FHOD3: variants seen among roughly 807,000 people sequenced by gnomAD.
FHOD3 encodes FH1/FH2 domain-containing protein 3.
Under a neutral mutation model 173.0 loss-of-function variants are expected in FHOD3, and 90 were observed. The ratio of observed to expected loss-of-function variants is 0.52; its 90% confidence interval spans 0.44 to 0.62. FHOD3 has a LOEUF of 0.62. FHOD3 is among the 20% of genes least tolerant of loss of function. The pLI is 0.00. For synonymous variants in FHOD3, 828 were observed against 823.0 expected, an observed-to-expected ratio of 1.01 and a Z score of -0.10; for missense variants, 1,945 against 2,034.7, an observed-to-expected ratio of 0.96 and a Z score of 0.85.
At chr18:36,573,744 G>A (rs1485535839) in intron 5 of FHOD3, among the ~76,000 whole-genome samples, 3 of 152,142 alleles carry the variant, frequency 2.0e-5, no homozygotes, top group African/African-American at 7.2e-5. Flanking sequence ...CATAGCTTTG[G>A]TAAATGACTG....
chr18:36,713,596 A>G (rs1487571339), intron 18 of FHOD3, among the ~76,000 whole-genome samples: 2 of 152,252 alleles, frequency 1.3e-5, no homozygotes, highest in Non-Finnish European at 2.9e-5. Flanking sequence ...CTATAGGATC[A>G]GTAGGGAAAT....
intron 9 of FHOD3, among the ~76,000 whole-genome samples, chr18:36,615,045 T>G (rs1356064330): frequency 6.6e-6 from 1 of 152,056 alleles, no homozygotes; most frequent in Non-Finnish European, 1.5e-5. Context: ...AGATGGGGTT[T>G]CTCCATGTTG....
rs2040554337 is a variant in FHOD3, at chr18:36,718,008, A to G, written c.2710A>G (p.Ser904Gly). ...CCAGCAGGAGGCAGAGGCGGTAGCC[A>G]GCCTTGCTACCAGGATATCCACCCT... ...RTQQEAEAVA[S>G]LATRISTLQA... Residue 904 changes from serine to glycine, a missense_variant, in exon 19 of 29, where the codon AGC (serine) becomes GGC (glycine). By Grantham distance (56) the Ser-to-Gly change is moderately conservative (BLOSUM62 0). Coordinates refer to ENST00000590592, the MANE Select transcript of FHOD3 (RefSeq NM_001281740.3). 1.2e-6 allele frequency: 2 copies of G among 1,610,512 alleles called. No individual in the cohort carries two copies. The highest frequency in any genetic ancestry group is 2.2e-5 in the East Asian group (1 of 44,874).
At chr18:36,458,966 C>T (rs976984424) in intron 3 of FHOD3, among the ~76,000 whole-genome samples, 1 of 152,092 alleles carries the variant, frequency 6.6e-6, no homozygotes, top group African/African-American at 2.4e-5. Context: ...TTGCCATGAC[C>T]CCTGCTTTGC....
chr18:36,713,484 A>G (rs900847265), intron 18 of FHOD3, among the ~76,000 whole-genome samples: 9 of 152,266 alleles, frequency 5.9e-5, no homozygotes, highest in African/African-American at 2.2e-4. Context: ...AACACTATAA[A>G]TAAATCAAAA....
intron 6 of FHOD3, among the ~76,000 whole-genome samples, chr18:36,584,400 A>G (rs2058957522): frequency 6.6e-6 from 1 of 152,228 alleles, no homozygotes; most frequent in African/African-American, 2.4e-5. Context: ...AATTGTTAAT[A>G]TTATAAAAAC....
intron 14 of FHOD3, among the ~76,000 whole-genome samples, chr18:36,670,325 A>G (rs1016015362): frequency 6.6e-6 from 1 of 152,068 alleles, no homozygotes; most frequent in Non-Finnish European, 1.5e-5. Flanking sequence ...AATGTTTGGT[A>G]CTTTTTACCT....
intron 3 of FHOD3, among the ~76,000 whole-genome samples, chr18:36,403,331 G>A (rs1442292714): frequency 6.6e-6 from 1 of 152,178 alleles, no homozygotes; most frequent in East Asian, 1.9e-4. Flanking sequence ...TGGGGGTGTC[G>A]AATAGAATGA....
At position 36,594,798 on chromosome 18, in the gene FHOD3, G is replaced by A. The variant is rs757878655; in HGVS notation, c.618G>A (p.Val206=). ...YTLIGSKFRL[V]VKTALKLLLV... is the part of the protein sequence containing the mutation. Reference sequence around the variant, plus strand: ...ATCTCTTCTGCCAGTTCCGCCTGGTGGTGAAGACAGCCCTGAAGCTGCTGC... The same window carrying A: ...ATCTCTTCTGCCAGTTCCGCCTGGTAGTGAAGACAGCCCTGAAGCTGCTGC... Residue 206 remains valine, a synonymous_variant, in exon 7 of 29, where the codon GTG becomes GTA. Transcript: ENST00000590592. The A allele has an allele frequency of 1.9e-6, 3 of 1,613,238 alleles. No individual in the cohort carries two copies. Among genetic ancestry groups the A allele is most frequent in the Non-Finnish European group, 2.5e-6 (3 of 1,179,454 alleles).
At chr18:36,654,610 G>A (rs980856035) in intron 13 of FHOD3, among the ~76,000 whole-genome samples, 2 of 152,092 alleles carry the variant, frequency 1.3e-5, no homozygotes, top group African/African-American at 2.4e-5. Context: ...TCAAATAAGC[G>A]AGCTCATACG....
intron 17 of FHOD3, among the ~76,000 whole-genome samples, chr18:36,701,024 C>G (rs1344354152): frequency 6.6e-6 from 1 of 152,222 alleles, no homozygotes; most frequent in Non-Finnish European, 1.5e-5. Flanking sequence ...AGTTGCTCCT[C>G]CCAAGCATCT....
chr18:36,407,639 G>C (rs1174355225), intron 3 of FHOD3, among the ~76,000 whole-genome samples: 1 of 152,220 alleles, frequency 6.6e-6, no homozygotes, highest in Admixed American at 6.5e-5. Flanking sequence ...TGACTCCGAA[G>C]ACACATTTTC....
At chr18:36,372,135 C>T (rs1041671515) in intron 2 of FHOD3, among the ~76,000 whole-genome samples, 1 of 152,104 alleles carries the variant, frequency 6.6e-6, no homozygotes, top group African/African-American at 2.4e-5. Flanking sequence ...TGTAAATTGA[C>T]GTTTCTGATA....
intron 23 of FHOD3, among the ~76,000 whole-genome samples, chr18:36,745,861 C>A (rs574463241): frequency 6.6e-6 from 1 of 151,670 alleles, no homozygotes; most frequent in Admixed American, 6.6e-5. Flanking sequence ...CCTCCACGCA[C>A]CTCGTGCTCA....
At position 36,644,242 on chromosome 18, in the gene FHOD3, C is replaced by A. The variant is rs559019913; in HGVS notation, c.1197-5074C>A. Among the ~76,000 whole-genome samples the A allele has an allele frequency of 2.0e-5, 3 of 152,268 alleles. No homozygotes were observed. The East Asian group carries it at 5.8e-4, about 29-fold the overall frequency. On this transcript the variant is annotated intron_variant, in intron 10 of 28. Coordinates refer to ENST00000590592, the MANE Select transcript of FHOD3 (RefSeq NM_001281740.3). ...TATTGGAAAGCCAAAGGCCAAACAC[C>A]CAGAATTCCTTAGCACAATATAAAC...
At chr18:36,347,993 G>T (rs952609745) in intron 1 of FHOD3, among the ~76,000 whole-genome samples, 1 of 152,186 alleles carries the variant, frequency 6.6e-6, no homozygotes, top group South Asian at 2.1e-4. Flanking sequence ...CTCAGAGTGC[G>T]TGCCCTGTAT....
intron 6 of FHOD3, among the ~76,000 whole-genome samples, chr18:36,584,584 T>C (rs2058963675): frequency 6.6e-6 from 1 of 152,220 alleles, no homozygotes; most frequent in South Asian, 2.1e-4. Flanking sequence ...TGAATTGAAA[T>C]ATATTTCATT....
chr18:36,333,338 C>T (rs1484312968), intron 1 of FHOD3, among the ~76,000 whole-genome samples: 2 of 152,154 alleles, frequency 1.3e-5, no homozygotes, highest in East Asian at 1.9e-4. Flanking sequence ...CTTGACCTGC[C>T]GACATGGAGG....
At position 36,679,419 on chromosome 18, in the gene FHOD3, T is replaced by G. The variant is rs1012644432; in HGVS notation, c.1836-2017T>G. ...TATTTTATTAGTCTTTGCTCTTTAT[T>G]TTTTTCCTTTTGCCTTCTTTGAATT... On this transcript the variant is annotated intron_variant, in intron 14 of 28. Transcript: ENST00000590592. Among the ~76,000 whole-genome samples the G allele has an allele frequency of 2.6e-4, 39 of 152,234 alleles. No homozygotes were observed. The East Asian group carries it at 7.5e-3, about 29-fold the overall frequency.
Sources: allele counts gnomAD v4.1 joint callset (sites outside exome capture counted in the v4.1 genomes callset), GRCh38; gene constraint gnomAD v4.1.1; transcripts MANE v1.5; gene names NCBI Gene and HGNC (gene_info 2026-07-23, HGNC 2026-07-21).